The following GAB3 variants were observed in gnomAD, a reference collection of about 807,000 sequenced individuals.
The protein encoded by GAB3 is GRB2 associated binding protein 3.
A neutral mutation model predicts 40.4 loss-of-function variants in GAB3; 12 were observed. The observed-to-expected ratio is 0.30, with a 90% CI of 0.19 to 0.48. The LOEUF is 0.48. Among genes scored for constraint, GAB3 ranks in the 20% least tolerant of loss-of-function variants. The pLI is 0.99. For synonymous variants in GAB3, 154 were observed against 176.7 expected (o/e 0.87, Z 1.02); for missense variants, 381 against 461.9 (o/e 0.82, Z 1.61).
At chrX:154,740,825 G>A (rs781802471) in intron 1 of GAB3, among the ~76,000 whole-genome samples, 3 of 112,196 alleles carry the variant, frequency 2.7e-5, no homozygotes, top group Admixed American at 1.9e-4. Context: ...GTTCAATCTG[G>A]AACAGAATTT....
chrX:154,716,447 T>C (rs1365900363), intron 1 of GAB3, 118 bp from the exon 2 acceptor site: 15 of 640,833 alleles, frequency 2.3e-5, no homozygotes, highest in Middle Eastern at 1.0e-3. Flanking sequence ...GCCATTCTAA[T>C]GATGAAACGC....
Position 154,696,160 on chromosome X carries a change from G to C in GAB3, c.1428-141C>G, listed in dbSNP as rs1428082418. The C allele has an allele frequency of 1.1e-5, 4 of 362,100 alleles. No individual in the cohort carries two copies. The East Asian group carries it at 1.6e-4, about 14-fold the overall frequency. The allele number at this position is 362,100 out of a possible 1,213,427, so 29.8% of individuals were successfully genotyped here. A position where few individuals can be genotyped will look rare whatever the true frequency, so the allele number is the denominator to read the frequency against. On this transcript the variant is annotated intron_variant, in intron 7 of 9. Transcript: ENST00000424127. Reference sequence around the variant, plus strand: ...CCTTCCGGCCAAAGCAATTCCTGAAGAGGCACAAAATGCCCAACAGTTTCT... The same window carrying C: ...CCTTCCGGCCAAAGCAATTCCTGAACAGGCACAAAATGCCCAACAGTTTCT...
intron 4 of GAB3, among the ~76,000 whole-genome samples, chrX:154,706,906 T>G (rs1337048876): frequency 1.1e-5 from 1 of 89,910 alleles, no homozygotes; most frequent in East Asian, 3.6e-4. Context: ...GGTGACAGAA[T>G]GAGACCTTGT....
At chrX:154,694,391 G>GTTTTTTTTTT (rs781950607) in intron 8 of GAB3, among the ~76,000 whole-genome samples, 31 of 100,165 alleles carry the variant, frequency 3.1e-4, no homozygotes, top group African/African-American at 1.0e-3. Context: ...ATCTTTCTCT[G>GTTTTTTTTTT]TTTTTTTTTT....
chrX:154,729,513 A>G (rs1420601163), intron 1 of GAB3, among the ~76,000 whole-genome samples: 2 of 111,821 alleles, frequency 1.8e-5, no homozygotes, highest in Non-Finnish European at 3.8e-5. Context: ...AGATGAAGCT[A>G]GAGATGTGGC....
rs1266884876 is a variant in GAB3, at chrX:154,699,496, C to G, written c.1143G>C (p.Pro381=). Residue 381 remains proline, a synonymous_variant, in exon 6 of 10, where the codon CCG becomes CCC. Transcript: ENST00000424127. ...LSLNLPCRFS[P]MYPTASASIE... The stretch of plus-strand genomic sequence containing the variant: ...TACTGGCTGAAGCTGTGGGGTACAT[C>G]GGGGAGAACCTGCATGGCTGCAAAA... 2.5e-6 allele frequency: 3 copies of G among 1,208,942 alleles called. No homozygotes were observed. Among genetic ancestry groups the G allele is most frequent in the Non-Finnish European group, 3.4e-6 (3 of 893,426 alleles).
intron 8 of GAB3, among the ~76,000 whole-genome samples, chrX:154,687,061 G>A (rs189991768): frequency 2.9e-3 from 314 of 109,889 alleles, no homozygotes; most frequent in Non-Finnish European, 4.5e-3. Flanking sequence ...GCCTGGTGGC[G>A]TGTGCCTGTA....
At chrX:154,690,748 C>A (rs1285508265) in intron 8 of GAB3, among the ~76,000 whole-genome samples, 3 of 110,918 alleles carry the variant, frequency 2.7e-5, no homozygotes, top group Non-Finnish European at 3.8e-5. Context: ...GAATGGCAAT[C>A]ATTAAAAAGT....
intron 8 of GAB3, among the ~76,000 whole-genome samples, chrX:154,683,220 C>T (rs1242816084): frequency 9.0e-6 from 1 of 111,429 alleles, no homozygotes; most frequent in Non-Finnish European, 1.9e-5. Context: ...GGGTGGTTAT[C>T]TTGAGTAACC....
In GAB3 at chrX:154,697,216, A is replaced by T; in HGVS notation, c.1346-3T>A. Reference sequence around the variant, plus strand: ...CAGGTCCAGAGGAGGTGGCCGTGCTACAAGACAGTGTGCAACATCCAGGAG... The same window carrying T: ...CAGGTCCAGAGGAGGTGGCCGTGCTTCAAGACAGTGTGCAACATCCAGGAG... On this transcript the variant is annotated splice_polypyrimidine_tract_variant and splice_region_variant and intron_variant, in intron 6 of 9. Transcript: ENST00000424127. 8.6e-7 allele frequency: 1 copy of T among 1,157,610 alleles called. No homozygotes were observed. Among genetic ancestry groups the T allele is most frequent in the East Asian group, 3.1e-5 (1 of 32,218 alleles).
At chrX:154,738,247 A>T (rs1189326359) in intron 1 of GAB3, among the ~76,000 whole-genome samples, 2 of 112,404 alleles carry the variant, frequency 1.8e-5, no homozygotes, top group African/African-American at 6.5e-5. Context: ...CACGATGTCC[A>T]GATGAGCAAT....
intron 4 of GAB3, among the ~76,000 whole-genome samples, chrX:154,709,495 T>TAC (rs1557254977): frequency 2.7e-4 from 30 of 109,390 alleles, no homozygotes; most frequent in Non-Finnish European, 7.6e-5. Flanking sequence ...AATTTTTGTA[T>TAC]TTTTAGTAGA....
chrX:154,699,992 T>C lies in GAB3; in HGVS notation c.1125+12A>G. 8.4e-7 allele frequency: 1 copy of C among 1,196,337 alleles called. No homozygotes were observed. Among genetic ancestry groups the C allele is most frequent in the Non-Finnish European group, 1.1e-6 (1 of 882,806 alleles). On this transcript the variant is annotated intron_variant, in intron 5 of 9. Transcript: ENST00000424127. The stretch of plus-strand genomic sequence containing the variant: ...AAATTGATGCTTAAAAGAACCTGAA[T>C]GTTGAACTTACCAAATTCAAACTAA...
chrX:154,715,758 T>C (rs963655943), intron 2 of GAB3, among the ~76,000 whole-genome samples: 1 of 112,115 alleles, frequency 8.9e-6, no homozygotes, highest in Non-Finnish European at 1.9e-5. Flanking sequence ...TCACTGTGGC[T>C]GAATGAGAGC....
At chrX:154,709,593 C>T (rs1317183457) in intron 4 of GAB3, among the ~76,000 whole-genome samples, 1 of 109,639 alleles carries the variant, frequency 9.1e-6, no homozygotes, top group Non-Finnish European at 1.9e-5. Flanking sequence ...GCTGGGATTA[C>T]AGTCTGAGCC....
In GAB3 at chrX:154,690,831, T is replaced by C. The variant is rs1444101802; in HGVS notation, c.1530+5086A>G. 2.8e-5 allele frequency among the ~76,000 whole-genome samples: 3 copies of C among 108,840 alleles called. No individual in the cohort carries two copies. The East Asian group carries it at 8.5e-4, about 31-fold the overall frequency. 94.5% of individuals were successfully genotyped at this position (108,840 alleles called of 115,157 possible). ...TTACACTGTTGGTGGGACTGTAAAC[T>C]AGTTCAACCATTGTGGAAGTCAGTG... On this transcript the variant is annotated intron_variant, in intron 8 of 9. Transcript: ENST00000424127.
chrX:154,709,884 C>A (rs1475919411), intron 4 of GAB3, among the ~76,000 whole-genome samples: 1 of 111,411 alleles, frequency 9.0e-6, no homozygotes, highest in East Asian at 2.8e-4. Flanking sequence ...TATGTGGAAT[C>A]TAAAAAAGTC....
chrX:154,742,784 T>C (rs1051373765), intron 1 of GAB3, among the ~76,000 whole-genome samples: 1 of 109,629 alleles, frequency 9.1e-6, no homozygotes, highest in Non-Finnish European at 1.9e-5. Context: ...AAAAGGCAAA[T>C]CTATAGAGAC....
chrX:154,743,690 A>G (rs2071480478), intron 1 of GAB3, among the ~76,000 whole-genome samples: 1 of 111,129 alleles, frequency 9.0e-6, no homozygotes, highest in African/African-American at 3.3e-5. Context: ...AAGATGTATA[A>G]TTTACACTCC....
Sources: allele counts gnomAD v4.1 joint callset (sites outside exome capture counted in the v4.1 genomes callset), GRCh38; gene constraint gnomAD v4.1.1; transcripts MANE v1.5; gene names NCBI Gene and HGNC (gene_info 2026-07-23, HGNC 2026-07-21).